The following RMND1 variants were observed in gnomAD, a reference collection of about 807,000 sequenced individuals.
The protein encoded by RMND1 is required for meiotic nuclear division 1 homolog, also known as required for meiotic nuclear division protein 1 homolog.
Under a neutral mutation model 54.0 loss-of-function variants are expected in RMND1, and 41 were observed. The observed-to-expected ratio is 0.76, with a 90% CI of 0.59 to 0.98. The LOEUF (loss-of-function observed/expected upper bound fraction) is 0.98, where lower values mean the gene tolerates loss of function less well. Among genes scored for constraint, RMND1 ranks in the 50% least tolerant of loss-of-function variants. RMND1 has a pLI of 0.00. For synonymous variants in RMND1, 183 were observed against 181.7 expected (o/e 1.01, Z -0.06); for missense variants, 457 against 532.0 (o/e 0.86, Z 1.39).
At chr6:151,412,762 A>C (rs1273349019) in intron 10 of RMND1, among the ~76,000 whole-genome samples, 2 of 152,184 alleles carry the variant, frequency 1.3e-5, no homozygotes, top group African/African-American at 4.8e-5. Context: ...CAGGTACCTT[A>C]CATGGCAGAA....
At chr6:151,415,246 C>T (rs923651279) in intron 10 of RMND1, among the ~76,000 whole-genome samples, 10 of 150,820 alleles carry the variant, frequency 6.6e-5, no homozygotes, top group Non-Finnish European at 8.8e-5. Context: ...ATTATAAATA[C>T]GGAAGGGTAA....
intron 5 of RMND1, 151 bp from the exon 6 acceptor site, chr6:151,427,733 G>T: frequency 1.8e-6 from 1 of 561,644 alleles, no homozygotes; most frequent in Non-Finnish European, 3.2e-6. Context: ...AATCCATTGT[G>T]ATATTAAAGT....
chr6:151,417,491 A>T, intron 9 of RMND1, 92 bp from the exon 10 acceptor site: 4 of 1,115,604 alleles, frequency 3.6e-6, no homozygotes, highest in Non-Finnish European at 4.9e-6. Flanking sequence ...CTTTATGAAA[A>T]CTTTTTTTTT....
At chr6:151,421,196 T>G in intron 9 of RMND1, 49 bp downstream of exon 9, 315 of 1,320,964 alleles carry the variant, frequency 2.4e-4, no homozygotes, top group Non-Finnish European at 3.2e-4. Context: ...AATGTTTTCT[T>G]GAGATTGTTA....
intron 1 of RMND1, among the ~76,000 whole-genome samples, chr6:151,449,061 A>C (rs1257477012): frequency 1.4e-5 from 1 of 71,966 alleles, no homozygotes; most frequent in Non-Finnish European, 2.9e-5. Flanking sequence ...ACTCTGTCTC[A>C]AAAAAAAAAA....
chr6:151,410,264 C>T (rs970540559), intron 10 of RMND1, among the ~76,000 whole-genome samples: 3 of 152,048 alleles, frequency 2.0e-5, no homozygotes, highest in African/African-American at 4.8e-5. Flanking sequence ...ACCATGTTAG[C>T]CAGGATGGTC....
chr6:151,405,125 C>T lies in RMND1; in HGVS notation c.*110G>A. ...CTCATCTCAAGCCACCCTTCTTGGCCTCCGAAAGTGCTGGGATTACAGGCA... is the reference window on the plus strand; with the variant it reads ...CTCATCTCAAGCCACCCTTCTTGGCTTCCGAAAGTGCTGGGATTACAGGCA... On this transcript the variant is annotated 3_prime_UTR_variant, in exon 12 of 12. Coordinates refer to ENST00000444024, the MANE Select transcript of RMND1 (RefSeq NM_017909.4). 3 of 921,158 alleles carry T rather than the reference C, an allele frequency of 3.3e-6. No homozygotes were observed. The South Asian group carries it at 4.4e-5, about 13-fold the overall frequency. The allele number at this position is 921,158 out of a possible 1,614,324, so 57.1% of individuals were successfully genotyped here. A position where few individuals can be genotyped will look rare whatever the true frequency, so the allele number is the denominator to read the frequency against.
intron 6 of RMND1, among the ~76,000 whole-genome samples, chr6:151,426,736 T>C (rs1052506104): frequency 6.6e-6 from 1 of 152,140 alleles, no homozygotes. Context: ...ATATTTATTA[T>C]ATGGTTTAGA....
intron 6 of RMND1, 92 bp downstream of exon 6, chr6:151,427,390 A>AT: frequency 1.4e-6 from 1 of 703,456 alleles, no homozygotes. Flanking sequence ...AAAAAAAAAA[A>AT]GTTTCCATAT....
intron 2 of RMND1, 128 bp from the exon 3 acceptor site, chr6:151,436,682 G>A: frequency 1.3e-6 from 1 of 787,552 alleles, no homozygotes; most frequent in Admixed American, 2.8e-5. Context: ...ACATCTCCAA[G>A]GGTGATACAA....
At chr6:151,450,389 A>G (rs1437004009) in intron 1 of RMND1, among the ~76,000 whole-genome samples, 79 of 125,846 alleles carry the variant, frequency 6.3e-4, no homozygotes, top group East Asian at 1.6e-3. Context: ...CAGCCACCCC[A>G]TCCGGGAGGG....
intron 10 of RMND1, among the ~76,000 whole-genome samples, chr6:151,406,438 T>C (rs907320974): frequency 1.7e-4 from 26 of 152,092 alleles, no homozygotes; most frequent in Admixed American, 1.7e-3. Context: ...CTCGGCTCAC[T>C]GCAAGCTCTG....
At position 151,405,828 on chromosome 6, in the gene RMND1, A is replaced by G. The variant is rs75177593; in HGVS notation, c.1209T>C (p.Asn403=). 1.3e-3 allele frequency: 2,002 copies of G among 1,590,102 alleles called. 2 individuals are homozygous for G. The highest frequency in any genetic ancestry group is 1.6e-3 in the Non-Finnish European group (1,850 of 1,158,802). The change falls in exon 11 of 12, where the codon AAT becomes AAC. Residue 403 remains asparagine (N), a synonymous_variant. Transcript: ENST00000444024. ...GTTCCATGCAGTGCTGAAGTTTTTC[A>G]TTCATGACCTATGTAAGAAAAATTT... ...LSIGRRVKVM[N]EKLQHCMELT... is the part of the protein sequence containing the mutation.
chr6:151,422,457 A>G, intron 8 of RMND1, 84 bp downstream of exon 8: 1 of 625,296 alleles, frequency 1.6e-6, no homozygotes, highest in Non-Finnish European at 2.6e-6. Flanking sequence ...ACTGATGGAT[A>G]GCTATATATT....
intron 10 of RMND1, among the ~76,000 whole-genome samples, chr6:151,407,481 A>G (rs757635770): frequency 6.6e-6 from 1 of 152,006 alleles, no homozygotes; most frequent in Non-Finnish European, 1.5e-5. Flanking sequence ...CCACTACCTC[A>G]TCATCATCCA....
intron 4 of RMND1, among the ~76,000 whole-genome samples, chr6:151,432,921 C>T (rs919154484): frequency 6.6e-6 from 1 of 152,078 alleles, no homozygotes; most frequent in African/African-American, 2.4e-5. Context: ...GAAAGACACC[C>T]CGGGGAAGAT....
At chr6:151,450,133 TGCCCGGCCGCC>T in intron 1 of RMND1, among the ~76,000 whole-genome samples, 1 of 150,910 alleles carries the variant, frequency 6.6e-6, no homozygotes. Flanking sequence ...GGAGCGTCTC[TGCCCGGCCGCC>T]ATCCCATCTA....
At chr6:151,409,248 C>T (rs1779727143) in intron 10 of RMND1, among the ~76,000 whole-genome samples, 1 of 152,048 alleles carries the variant, frequency 6.6e-6, no homozygotes, top group Non-Finnish European at 1.5e-5. Context: ...TATGGTATTC[C>T]CCTGTTTCAC....
chr6:151,423,664 T>G, intron 6 of RMND1, 33 bp from the exon 7 acceptor site: 3 of 1,400,726 alleles, frequency 2.1e-6, no homozygotes, highest in Non-Finnish European at 3.0e-6. Flanking sequence ...ACCTTCTAAA[T>G]CTTAAAAAGC....
Sources: gnomAD v4.1 joint callset for allele counts (sites outside exome capture counted in the v4.1 genomes callset) on GRCh38, gnomAD v4.1.1 for gene constraint, MANE v1.5 for transcripts, NCBI Gene and HGNC (gene_info 2026-07-23, HGNC 2026-07-21) for gene names.